The following RANBP17 variants were observed in gnomAD, a reference collection of about 807,000 sequenced individuals.
The protein encoded by RANBP17 is ran-binding protein 17.
A neutral mutation model predicts 141.2 loss-of-function variants in RANBP17; 158 were observed. The observed-to-expected ratio is 1.12, with a 90% CI of 0.98 to 1.28. The LOEUF (loss-of-function observed/expected upper bound fraction) is 1.28. RANBP17 is among the 50% of genes most tolerant of loss of function. RANBP17 has a pLI of 0.00. For missense variants in RANBP17, 1,438 were observed against 1,290.7 expected, an observed-to-expected ratio of 1.11 and a Z score of -1.75; for synonymous variants, 430 against 450.0, an observed-to-expected ratio of 0.96 and a Z score of 0.56.
At chr5:171,135,407 C>A (rs1180135124) in intron 14 of RANBP17, among the ~76,000 whole-genome samples, 1 of 151,766 alleles carries the variant, frequency 6.6e-6, no homozygotes, top group Non-Finnish European at 1.5e-5. Context: ...GAAAATATTT[C>A]TTCCGTATTT....
intron 14 of RANBP17, among the ~76,000 whole-genome samples, chr5:171,058,888 T>C (rs1259220594): frequency 6.6e-6 from 1 of 151,144 alleles, no homozygotes; most frequent in Non-Finnish European, 1.5e-5. Flanking sequence ...ATTGTGGTTT[T>C]GATTTGCATT....
At chr5:171,170,524 C>G (rs1048214928) in intron 15 of RANBP17, among the ~76,000 whole-genome samples, 1 of 151,820 alleles carries the variant, frequency 6.6e-6, no homozygotes, top group Non-Finnish European at 1.5e-5. Context: ...GAAAAGCACG[C>G]GATTTGAAAG....
chr5:171,194,694 A>G (rs778728307), intron 18 of RANBP17, among the ~76,000 whole-genome samples: 1 of 152,208 alleles, frequency 6.6e-6, no homozygotes, highest in Admixed American at 6.5e-5. Flanking sequence ...TGTGTGGACA[A>G]ATATTTACAG....
At position 170,911,492 on chromosome 5, in the gene RANBP17, T is replaced by C. The variant is rs889534805; in HGVS notation, c.760+358T>C. 1.3e-5 allele frequency: 9 copies of C among 704,532 alleles called. No individual in the cohort carries two copies. In the African/African-American group the frequency reaches 1.6e-4, roughly 12 times the overall value. The allele number at this position is 704,532 out of a possible 1,614,324, so 43.6% of individuals were successfully genotyped here. On this transcript the variant is annotated intron_variant, in intron 7 of 27. Coordinates refer to ENST00000523189, the MANE Select transcript of RANBP17 (RefSeq NM_022897.5). ...ATCATTTTCAGGTGCTGGTCAAACC[T>C]TTAAATCTTCAGGATCAGTGTTAGC...
chr5:170,896,824 T>C, intron 5 of RANBP17: 2 of 447,274 alleles, frequency 4.5e-6, no homozygotes, highest in Non-Finnish European at 8.3e-6. Flanking sequence ...AGCAAGACTC[T>C]GTCTCAAACA....
intron 14 of RANBP17, among the ~76,000 whole-genome samples, chr5:171,162,982 A>G (rs1364115378): frequency 6.6e-6 from 1 of 152,238 alleles, no homozygotes; most frequent in African/African-American, 2.4e-5. Context: ...GCCACCACAG[A>G]TGGTGGGTTC....
intron 14 of RANBP17, among the ~76,000 whole-genome samples, chr5:171,066,306 C>G (rs531203232): frequency 6.6e-6 from 1 of 152,306 alleles, no homozygotes; most frequent in South Asian, 2.1e-4. Context: ...TATCCTTTGA[C>G]CAATCTGTCC....
intron 14 of RANBP17, among the ~76,000 whole-genome samples, chr5:171,120,386 C>T (rs1755947197): frequency 6.6e-6 from 1 of 152,208 alleles, no homozygotes; most frequent in African/African-American, 2.4e-5. Flanking sequence ...TAGCAGTTTA[C>T]CTGCTATTCT....
At chr5:171,109,397 A>G (rs553984606) in intron 14 of RANBP17, among the ~76,000 whole-genome samples, 254 of 152,338 alleles carry the variant, frequency 1.7e-3, no homozygotes, top group African/African-American at 5.7e-3. Context: ...CTTAGAAGTT[A>G]TTTCTAGAAA....
At chr5:170,900,730 AT>A (rs753279386) in intron 5 of RANBP17, among the ~76,000 whole-genome samples, 1 of 152,080 alleles carries the variant, frequency 6.6e-6, no homozygotes, top group South Asian at 2.1e-4. Flanking sequence ...TTCTCAATGG[AT>A]TTAGATAACT....
At chr5:170,862,328 G>T (rs547880592) in intron 1 of RANBP17, among the ~76,000 whole-genome samples, 48 of 152,294 alleles carry the variant, frequency 3.2e-4, no homozygotes, top group Non-Finnish European at 6.2e-4. Context: ...GGCTCGTCCC[G>T]GGGAAGGTGC....
intron 12 of RANBP17, among the ~76,000 whole-genome samples, chr5:170,942,443 T>C (rs1456875132): frequency 6.6e-6 from 1 of 152,166 alleles, no homozygotes; most frequent in African/African-American, 2.4e-5. Context: ...GAACTATACC[T>C]AGTGAGTGTC....
chr5:171,274,057 T>C (rs780390396), intron 25 of RANBP17, among the ~76,000 whole-genome samples: 1 of 152,148 alleles, frequency 6.6e-6, no homozygotes, highest in East Asian at 1.9e-4. Flanking sequence ...AAACTTTCTT[T>C]TTCTTCAAAA....
intron 22 of RANBP17, among the ~76,000 whole-genome samples, chr5:171,230,352 G>A (rs973756160): frequency 1.3e-5 from 2 of 152,178 alleles, no homozygotes; most frequent in African/African-American, 4.8e-5. Flanking sequence ...AGCCTGGTTG[G>A]TTAGGAAACT....
chr5:171,135,721 T>C (rs1423734462), intron 14 of RANBP17, among the ~76,000 whole-genome samples: 1 of 152,230 alleles, frequency 6.6e-6, no homozygotes, highest in Non-Finnish European at 1.5e-5. Flanking sequence ...TTTTTCTCTT[T>C]ACTGGTCAGT....
chr5:170,914,207 G>C lies in RANBP17; in HGVS notation c.801G>C (p.Leu267Phe), dbSNP rs1458918514. ...AAACATTGGATCTTTTCTTCAATTT[G>C]TATCATTCACTTCCACCACTACTAT... ...EPETLDLFFN[L>F]YHSLPPLLSQ... Residue 267 changes from leucine (L) to phenylalanine (F), a missense_variant, in exon 8 of 28, where the codon TTG (leucine) becomes TTC (phenylalanine). Leu to Phe is a conservative substitution (Grantham distance 22, BLOSUM62 0). Transcript: ENST00000523189. 4 of 1,610,142 alleles carry C rather than the reference G, an allele frequency of 2.5e-6. No homozygotes were observed. The highest frequency in any genetic ancestry group is 3.4e-6 in the Non-Finnish European group (4 of 1,177,018).
At chr5:171,196,446 A>T (rs1761983555) in intron 18 of RANBP17, among the ~76,000 whole-genome samples, 1 of 152,100 alleles carries the variant, frequency 6.6e-6, no homozygotes, top group African/African-American at 2.4e-5. Flanking sequence ...TAAAAGTCTG[A>T]ATTTGTCTTT....
Position 171,263,742 on chromosome 5 carries a change from A to G in RANBP17, c.2777-1939A>G, listed in dbSNP as rs545270993. Among the ~76,000 whole-genome samples the G allele has an allele frequency of 3.0e-4, 46 of 152,264 alleles. 3 individuals are homozygous for G. The South Asian group carries it at 9.1e-3, about 30-fold the overall frequency. ...ATGAGGCAAACCAGTAGTTACTGCC[A>G]TGTTTTGAGTGCCCATTGTGATTCA... On this transcript the variant is annotated intron_variant, in intron 24 of 27. Coordinates refer to ENST00000523189, the MANE Select transcript of RANBP17 (RefSeq NM_022897.5).
chr5:171,172,585 A>T (rs1760174933), intron 16 of RANBP17, among the ~76,000 whole-genome samples: 1 of 151,584 alleles, frequency 6.6e-6, no homozygotes, highest in Non-Finnish European at 1.5e-5. Flanking sequence ...TTTCTAACAT[A>T]TGAAGTGGTT....
Sources: allele counts gnomAD v4.1 joint callset (sites outside exome capture counted in the v4.1 genomes callset), GRCh38; gene constraint gnomAD v4.1.1; transcripts MANE v1.5; gene names NCBI Gene and HGNC (gene_info 2026-07-23, HGNC 2026-07-21).